BNC2: variants seen among roughly 807,000 people sequenced by gnomAD.
BNC2 encodes the protein zinc finger protein basonuclin-2.
BNC2 carries 20 observed loss-of-function variants against 76.3 expected under a neutral mutation model. The ratio of observed to expected loss-of-function variants is 0.26; its 90% CI spans 0.18 to 0.38. The LOEUF is 0.38. Among genes scored for constraint, BNC2 ranks in the 10% least tolerant of loss-of-function variants. BNC2 has a pLI of 1.00. For missense variants in BNC2, 1,382 were observed against 1,399.8 expected (o/e 0.99, Z 0.20); for synonymous variants, 582 against 514.8 (o/e 1.13, Z -1.77).
intron 1 of BNC2, among the ~76,000 whole-genome samples, chr9:16,821,707 G>A (rs1027932581): frequency 7.2e-5 from 11 of 152,094 alleles, no homozygotes; most frequent in Non-Finnish European, 1.2e-4. Flanking sequence ...CAGCACTTTG[G>A]GGAGGCTGAG....
chr9:16,479,006 C>A (rs930928136), intron 5 of BNC2, among the ~76,000 whole-genome samples: 7 of 152,140 alleles, frequency 4.6e-5, no homozygotes, highest in African/African-American at 1.7e-4. Flanking sequence ...AATCCCAGCA[C>A]TTTGGAAGGC....
chr9:16,774,515 T>A (rs1168284859), intron 1 of BNC2, among the ~76,000 whole-genome samples: 2 of 152,242 alleles, frequency 1.3e-5, no homozygotes, highest in African/African-American at 4.8e-5. Flanking sequence ...CGAAAGACAT[T>A]TGGAATATCT....
At chr9:16,751,299 C>G (rs1825186760) in intron 1 of BNC2, among the ~76,000 whole-genome samples, 1 of 150,524 alleles carries the variant, frequency 6.6e-6, no homozygotes, top group African/African-American at 2.4e-5. Flanking sequence ...ATTGTGAGCA[C>G]TGGAGTACTG....
chr9:16,870,522 T>C (rs1002811543), intron 1 of BNC2, 124 bp downstream of exon 1: 1 of 1,103,792 alleles, frequency 9.1e-7, no homozygotes, highest in Non-Finnish European at 1.3e-6. Flanking sequence ...CAGCGCCCCT[T>C]GCCCCTCACG....
chr9:16,608,016 G>T (rs1459769952), intron 3 of BNC2, among the ~76,000 whole-genome samples: 1 of 152,050 alleles, frequency 6.6e-6, no homozygotes, highest in Admixed American at 6.5e-5. Flanking sequence ...CTGCCAGAAG[G>T]GACCACAAAG....
intron 5 of BNC2, among the ~76,000 whole-genome samples, chr9:16,521,223 C>A (rs945024908): frequency 6.6e-6 from 1 of 152,130 alleles, no homozygotes; most frequent in African/African-American, 2.4e-5. Context: ...GAAAGGTCTG[C>A]CAGAGGCTGC....
chr9:16,656,793 C>T (rs1821943362), intron 3 of BNC2, among the ~76,000 whole-genome samples: 1 of 152,156 alleles, frequency 6.6e-6, no homozygotes, highest in African/African-American at 2.4e-5. Flanking sequence ...ACTTATTCAT[C>T]TTATATAACT....
At chr9:16,665,594 T>C (rs1822267915) in intron 3 of BNC2, among the ~76,000 whole-genome samples, 1 of 152,228 alleles carries the variant, frequency 6.6e-6, no homozygotes, top group African/African-American at 2.4e-5. Flanking sequence ...TATTTTATGC[T>C]ACTAAGCATG....
intron 2 of BNC2, chr9:16,728,363 A>T (rs1824411762): frequency 2.6e-6 from 1 of 379,284 alleles, no homozygotes; most frequent in South Asian, 2.2e-5. Context: ...CCCTCTCCAG[A>T]TATACAGATA....
chr9:16,613,392 AAT>A (rs1443588538), intron 3 of BNC2, among the ~76,000 whole-genome samples: 1 of 152,206 alleles, frequency 6.6e-6, no homozygotes, highest in Non-Finnish European at 1.5e-5. Context: ...TGCTTTAATA[AAT>A]TTTAAATGTA....
chr9:16,514,877 T>G (rs566834746), intron 5 of BNC2, among the ~76,000 whole-genome samples: 1 of 152,324 alleles, frequency 6.6e-6, no homozygotes, highest in South Asian at 2.1e-4. Context: ...CTAATGGCAA[T>G]CACTGGATAA....
chr9:16,539,763 GGAAAAGA>G (rs1818257160), intron 5 of BNC2, among the ~76,000 whole-genome samples: 1 of 82,716 alleles, frequency 1.2e-5, no homozygotes, highest in South Asian at 5.6e-4. Flanking sequence ...GGAAAGGAAA[GGAAAAGA>G]AAGGAAAGGA....
intron 1 of BNC2, among the ~76,000 whole-genome samples, chr9:16,795,421 G>T (rs1202594068): frequency 6.7e-6 from 1 of 148,342 alleles, no homozygotes; most frequent in Non-Finnish European, 1.5e-5. Context: ...AGAAGTCATT[G>T]CAATACCGGA....
chr9:16,436,524 T>G lies in BNC2; in HGVS notation c.1670A>C (p.Gln557Pro), dbSNP rs745376862. The G allele has an allele frequency of 3.1e-6, 5 of 1,613,890 alleles. No homozygotes were observed. Among genetic ancestry groups the G allele is most frequent in the Non-Finnish European group, 4.2e-6 (5 of 1,180,014 alleles). ...AGTCTTTAGCCCAGAAAATACTAGC[T>G]GGCTAGGGAGAGGATTTTGCAAGAC... ...DPVLQNPLPSQLVFSGLKTVQ... is the reference protein window; with the variant it reads ...DPVLQNPLPSPLVFSGLKTVQ... Residue 557 changes from glutamine to proline, a missense_variant, in exon 6 of 7, where the codon CAG becomes CCG. Transcript: ENST00000380672.
chr9:16,425,448 T>C (rs558093304), intron 6 of BNC2, among the ~76,000 whole-genome samples: 10 of 152,260 alleles, frequency 6.6e-5, no homozygotes, highest in South Asian at 4.2e-4. Flanking sequence ...GCAGACAAAA[T>C]TGACAGTCTC....
intron 3 of BNC2, among the ~76,000 whole-genome samples, chr9:16,659,354 A>G (rs1427644817): frequency 6.6e-6 from 1 of 152,130 alleles, no homozygotes; most frequent in Non-Finnish European, 1.5e-5. Flanking sequence ...GCTCACGCGT[A>G]ATCACAGCAC....
chr9:16,647,864 T>C (rs1821679622), intron 3 of BNC2, among the ~76,000 whole-genome samples: 1 of 152,200 alleles, frequency 6.6e-6, no homozygotes, highest in Non-Finnish European at 1.5e-5. Context: ...GATTAGCTAG[T>C]CTATTCCACT....
intron 5 of BNC2, among the ~76,000 whole-genome samples, chr9:16,530,255 C>T (rs772755571): frequency 4.6e-5 from 7 of 152,042 alleles, no homozygotes; most frequent in African/African-American, 7.2e-5. Flanking sequence ...CTGCCCTTTA[C>T]GAAATTCCTC....
At chr9:16,792,973 T>C (rs1017708075) in intron 1 of BNC2, among the ~76,000 whole-genome samples, 3 of 152,224 alleles carry the variant, frequency 2.0e-5, no homozygotes, top group African/African-American at 7.2e-5. Flanking sequence ...ATTTAGAACA[T>C]TTGTATCTCA....
Sources: allele counts gnomAD v4.1 joint callset (sites outside exome capture counted in the v4.1 genomes callset), GRCh38; gene constraint gnomAD v4.1.1; transcripts MANE v1.5; gene names NCBI Gene and HGNC (gene_info 2026-07-23, HGNC 2026-07-21).